PARVB: variants seen among roughly 807,000 people sequenced by gnomAD.
PARVB encodes parvin beta, also known as beta-parvin.
In PARVB, 46 loss-of-function variants were observed where a neutral mutation model predicts 47.0. That is an observed-to-expected ratio of 0.98 (90% CI 0.77 to 1.25). PARVB has a LOEUF of 1.25. Among genes scored for constraint, PARVB ranks in the 50% most tolerant of loss-of-function variants. The pLI is 0.00. For missense variants in PARVB, 473 were observed against 471.6 expected (o/e 1.00, Z -0.03); for synonymous variants, 196 against 196.3 (o/e 1.00, Z 0.01).
intron 1 of PARVB, 81 bp from the exon 2 acceptor site, chr22:44,093,847 C>T: frequency 1.3e-6 from 1 of 797,286 alleles, no homozygotes; most frequent in Non-Finnish European, 2.1e-6. Context: ...GAATTGATTT[C>T]TCTCTGCGTC....
At position 44,172,882 on chromosome 22, in the gene PARVB, C is replaced by T. The variant is rs533003364; in HGVS notation, c.*4204C>T. On this transcript the variant is annotated 3_prime_UTR_variant, in exon 13 of 13. Coordinates refer to ENST00000338758, the MANE Select transcript of PARVB (RefSeq NM_013327.5). ...TCTTCCGCCAGGGATGCGGTTAGGA[C>T]AATGCCACGTGGCGTCACAGTATGC... 1 of 994,146 alleles carries T rather than the reference C, an allele frequency of 1.0e-6. No individual in the cohort carries two copies. The highest frequency in any genetic ancestry group is 6.1e-5 in the East Asian group (1 of 16,372). 61.6% of individuals were successfully genotyped at this position (994,146 alleles called of 1,614,324 possible).
intron 1 of PARVB, among the ~76,000 whole-genome samples, chr22:44,028,673 C>T (rs1052749357): frequency 6.6e-5 from 10 of 152,108 alleles, no homozygotes; most frequent in Admixed American, 1.3e-4. Context: ...ATTGCTGGAT[C>T]GTATGGTAAG....
intron 8 of PARVB, 137 bp downstream of exon 8, chr22:44,140,280 A>G (rs188085201): frequency 5.6e-6 from 5 of 887,676 alleles, no homozygotes; most frequent in Admixed American, 3.6e-5. Context: ...CTGGAATCCT[A>G]GAGAAAGTGC....
At chr22:44,126,710 G>A (rs1468471245) in intron 4 of PARVB, among the ~76,000 whole-genome samples, 2 of 152,178 alleles carry the variant, frequency 1.3e-5, no homozygotes, top group Non-Finnish European at 2.9e-5. Flanking sequence ...ACCTGAAGCA[G>A]ATATTTTCTA....
At chr22:44,019,445 G>C (rs9614315), upstream of PARVB, among the ~76,000 whole-genome samples, 43,424 of 151,552 alleles carry the variant, frequency 0.29, 7,059 homozygotes, top group African/African-American at 0.45. Flanking sequence ...GCCTCAAACT[G>C]CTGACATCAG....
intron 1 of PARVB, among the ~76,000 whole-genome samples, chr22:44,030,440 G>T (rs2050805410): frequency 6.6e-6 from 1 of 152,228 alleles, no homozygotes; most frequent in Admixed American, 6.5e-5. Context: ...GCAGCCTGTG[G>T]GCTGTGGCCA....
At chr22:44,168,551 C>A in intron 12 of PARVB, 51 bp from the exon 13 acceptor site, 2 of 1,218,420 alleles carry the variant, frequency 1.6e-6, no homozygotes, top group Non-Finnish European at 2.4e-6. Flanking sequence ...GTACCTACCG[C>A]AATGACAGGA....
chr22:44,002,748 G>C (rs949779305), intron 2 of PARVB, among the ~76,000 whole-genome samples: 1 of 152,160 alleles, frequency 6.6e-6, no homozygotes, highest in East Asian at 1.9e-4. Context: ...GTGGGAGGCT[G>C]TCTCAGTCGT....
At chr22:44,007,307 A>G (rs2050476179) in intron 2 of PARVB, among the ~76,000 whole-genome samples, 1 of 152,096 alleles carries the variant, frequency 6.6e-6, no homozygotes, top group South Asian at 2.1e-4. Context: ...CTCCTCCGAG[A>G]AGCCCATCCT....
At chr22:44,075,231 C>T (rs1246385839) in intron 1 of PARVB, among the ~76,000 whole-genome samples, 2 of 152,212 alleles carry the variant, frequency 1.3e-5, no homozygotes, top group East Asian at 1.9e-4. Flanking sequence ...CAAACACGCA[C>T]GCACATGCAC....
At chr22:44,082,449 G>A (rs2051924983) in intron 1 of PARVB, among the ~76,000 whole-genome samples, 1 of 152,170 alleles carries the variant, frequency 6.6e-6, no homozygotes, top group Admixed American at 6.5e-5. Flanking sequence ...AATCTGGGAG[G>A]TGGAGGTTGC....
At chr22:44,004,780 G>A (rs1418225581) in intron 2 of PARVB, among the ~76,000 whole-genome samples, 2 of 152,086 alleles carry the variant, frequency 1.3e-5, no homozygotes, top group Non-Finnish European at 2.9e-5. Flanking sequence ...AACCTTTTCC[G>A]TCTCTCCAGT....
intron 3 of PARVB, chr22:44,115,504 C>G (rs1569127968): frequency 1.1e-3 from 40 of 37,732 alleles, no homozygotes; most frequent in African/African-American, 7.4e-3. Context: ...AGGCCCTGCA[C>G]CAGAACGGAT....
chr22:44,023,557 T>C (rs28724271), upstream of PARVB, among the ~76,000 whole-genome samples: 18,143 of 129,656 alleles, frequency 0.14, 1,542 homozygotes, highest in East Asian at 0.35. Context: ...TAAAATAAAA[T>C]AAAATAAAAT....
intron 1 of PARVB, among the ~76,000 whole-genome samples, chr22:44,080,474 C>T (rs941849331): frequency 6.6e-6 from 1 of 152,214 alleles, no homozygotes; most frequent in Non-Finnish European, 1.5e-5. Flanking sequence ...TTCTCTGTCT[C>T]CTTCGCCACA....
chr22:44,019,554 C>T (rs142217428), upstream of PARVB, among the ~76,000 whole-genome samples: 15 of 152,320 alleles, frequency 9.8e-5, no homozygotes, highest in African/African-American at 3.4e-4. Context: ...GAGGTTTTGT[C>T]GCTCACGGCT....
chr22:44,140,197 G>A, intron 8 of PARVB, 54 bp downstream of exon 8: 3 of 1,575,398 alleles, frequency 1.9e-6, no homozygotes, highest in Non-Finnish European at 2.6e-6. Context: ...GCTCCCCCAG[G>A]AAGCTCCCAG....
Position 44,122,488 on chromosome 22 carries a change from AAGAGAGAG to A in PARVB, c.376+3372_376+3379del, listed in dbSNP as rs766162295. Among the ~76,000 whole-genome samples, 82 of 76,662 alleles carry A rather than the reference AAGAGAGAG, an allele frequency of 1.1e-3. 1 individual carries two copies. The highest frequency in any genetic ancestry group is 3.7e-3 in the African/African-American group (60 of 16,414). 50.3% of individuals were successfully genotyped at this position (76,662 alleles called of 152,430 possible). A position where few individuals can be genotyped will look rare whatever the true frequency, so the allele number is the denominator to read the frequency against. ...GCAACAGAGTGAGACCCTGTCGATC[AAGAGAGAG>A]AGAGAGAGAGAGAGAGAGAGAGACA... On this transcript the variant is annotated intron_variant, in intron 4 of 12. Coordinates refer to ENST00000338758, the MANE Select transcript of PARVB (RefSeq NM_013327.5).
chr22:44,120,250 G>A (rs928275135), intron 4 of PARVB, among the ~76,000 whole-genome samples: 4 of 152,230 alleles, frequency 2.6e-5, no homozygotes, highest in Non-Finnish European at 5.9e-5. Flanking sequence ...GGCTGAATGA[G>A]CAGATGTCCC....
Sources: allele counts gnomAD v4.1 joint callset (sites outside exome capture counted in the v4.1 genomes callset), GRCh38; gene constraint gnomAD v4.1.1; transcripts MANE v1.5; gene names NCBI Gene and HGNC (gene_info 2026-07-23, HGNC 2026-07-21).